IFT57: variants seen among roughly 807,000 people sequenced by gnomAD.
IFT57 encodes the protein intraflagellar transport protein 57 homolog.
In IFT57, 59 loss-of-function variants were observed where a neutral mutation model predicts 56.8. The observed-to-expected ratio is 1.04, with a 90% CI of 0.84 to 1.29. The LOEUF (loss-of-function observed/expected upper bound fraction) is 1.29, where lower values mean the gene tolerates loss of function less well. IFT57 is among the 50% of genes most tolerant of loss of function. The pLI, the probability that IFT57 is intolerant of heterozygous loss-of-function variation, is 0.00. For synonymous variants in IFT57, 209 were observed against 186.1 expected (o/e 1.12, Z -1.00); for missense variants, 470 against 522.1 (o/e 0.90, Z 0.97).
chr3:108,166,672 C>A (rs1217252352), intron 8 of IFT57, among the ~76,000 whole-genome samples, 182 bp downstream of exon 8: 3 of 152,004 alleles, frequency 2.0e-5, no homozygotes, highest in Non-Finnish European at 2.9e-5. Flanking sequence ...AAAACAACTT[C>A]TATTACATGT....
At chr3:108,218,032 C>T (rs2080382860) in intron 3 of IFT57, among the ~76,000 whole-genome samples, 1 of 151,614 alleles carries the variant, frequency 6.6e-6, no homozygotes, top group African/African-American at 2.4e-5. Flanking sequence ...AAATAAAGCA[C>T]TGTCAGGTTG....
intron 4 of IFT57, among the ~76,000 whole-genome samples, chr3:108,209,178 G>A (rs187468024): frequency 6.6e-5 from 10 of 152,262 alleles, no homozygotes; most frequent in East Asian, 5.8e-4. Flanking sequence ...GAATATATTC[G>A]TATGTATTTT....
At chr3:108,175,820 G>T (rs1360691618) in intron 6 of IFT57, among the ~76,000 whole-genome samples, 2 of 151,196 alleles carry the variant, frequency 1.3e-5, no homozygotes, top group East Asian at 3.9e-4. Context: ...AAAAAAGTTT[G>T]ACTTTGCGAG....
At chr3:108,181,371 A>C (rs774481153) in intron 6 of IFT57, among the ~76,000 whole-genome samples, 1 of 152,114 alleles carries the variant, frequency 6.6e-6, no homozygotes, top group South Asian at 2.1e-4. Flanking sequence ...TGAAACAAAC[A>C]AACAGCTGAC....
At chr3:108,176,546 T>C (rs1201000417) in intron 6 of IFT57, among the ~76,000 whole-genome samples, 1 of 151,882 alleles carries the variant, frequency 6.6e-6, no homozygotes, top group African/African-American at 2.4e-5. Flanking sequence ...AATGAATGTT[T>C]ATTATCCTGG....
rs768158633 is a variant in IFT57, at chr3:108,214,018, T to C, written c.498A>G (p.Pro166=). 6.4e-7 allele frequency: 1 copy of C among 1,570,384 alleles called. No individual in the cohort carries two copies. The change falls in exon 4 of 11, where the codon CCA becomes CCG. Residue 166 remains proline, a synonymous_variant. Transcript: ENST00000264538. ...CTTCTAATTCTTCTACTGGGTATAT[T>C]GGCCTAAAATAATAAGATTAAACAT... The part of the protein sequence containing the change: ...LKYIGFTWKR[P]IYPVEELEEE...
rs147225913 is a variant in IFT57, at chr3:108,209,477, G to A, written c.586-2781C>T. On this transcript the variant is annotated intron_variant, in intron 4 of 10. Coordinates refer to ENST00000264538, the MANE Select transcript of IFT57 (RefSeq NM_018010.4). ...TACATGGATGGTAAGTTGACAAGGGGTCGACTTTTGATGGTAAATTTTATG... is the reference window on the plus strand; with the variant it reads ...TACATGGATGGTAAGTTGACAAGGGATCGACTTTTGATGGTAAATTTTATG... Among the ~76,000 whole-genome samples the A allele has an allele frequency of 1.9e-3, 291 of 152,294 alleles. 2 individuals are homozygous for A. The highest frequency in any genetic ancestry group is 0.014 in the Admixed American group (217 of 15,306).
intron 6 of IFT57, among the ~76,000 whole-genome samples, chr3:108,172,360 GGAGA>G (rs2080098470): frequency 6.6e-6 from 1 of 151,752 alleles, no homozygotes; most frequent in South Asian, 2.1e-4. Flanking sequence ...AAATAAAGCT[GGAGA>G]GAGAGGTTCA....
At chr3:108,180,786 T>C (rs979441091) in intron 6 of IFT57, among the ~76,000 whole-genome samples, 2 of 152,016 alleles carry the variant, frequency 1.3e-5, no homozygotes, top group Admixed American at 1.3e-4. Flanking sequence ...TATAGCAAGG[T>C]CCATATGACA....
chr3:108,217,069 A>G (rs62267924), intron 3 of IFT57, among the ~76,000 whole-genome samples: 38 of 152,272 alleles, frequency 2.5e-4, no homozygotes, highest in Admixed American at 7.2e-4. Context: ...ACAATAATAT[A>G]TATTTGAAAA....
intron 6 of IFT57, among the ~76,000 whole-genome samples, chr3:108,173,820 G>A (rs1282535198): frequency 7.9e-6 from 1 of 126,766 alleles, no homozygotes. Flanking sequence ...ATATAATATA[G>A]TATATTATAT....
intron 6 of IFT57, among the ~76,000 whole-genome samples, chr3:108,183,512 T>C (rs2080163023): frequency 6.6e-6 from 1 of 152,096 alleles, no homozygotes; most frequent in African/African-American, 2.4e-5. Context: ...AACCAGCCAG[T>C]CACATATTAT....
At chr3:108,195,140 T>C (rs2108319125) in intron 5 of IFT57, among the ~76,000 whole-genome samples, 1 of 152,020 alleles carries the variant, frequency 6.6e-6, no homozygotes, top group East Asian at 1.9e-4. Context: ...ACCCAAATGA[T>C]CTAATTAAAA....
In IFT57 at chr3:108,162,546, C is replaced by T. The variant is rs1007450385; in HGVS notation, c.1221G>A (p.Lys407=). ...TGTTCCTAGTCATGTTGGACTTCTC[C>T]TTCAGCTTTGATTGGAGTAGTGTGT... is the stretch of plus-strand genomic sequence containing the variant. ...VEHTLLQSKL[K]EKSNMTRNMH... is the part of the protein sequence containing the mutation. The change falls in exon 11 of 11, where the codon AAG becomes AAA. Residue 407 remains lysine, a synonymous_variant. Transcript: ENST00000264538. The T allele has an allele frequency of 6.2e-7, 1 of 1,612,360 alleles. No individual in the cohort carries two copies. The highest frequency in any genetic ancestry group is 8.5e-7 in the Non-Finnish European group (1 of 1,178,872).
intron 6 of IFT57, among the ~76,000 whole-genome samples, chr3:108,174,460 G>C (rs951828289): frequency 2.3e-5 from 3 of 131,526 alleles, no homozygotes; most frequent in African/African-American, 8.1e-5. Context: ...TACATTAGTA[G>C]AGAATCCATT....
At chr3:108,187,998 T>C (rs2080194049) in intron 6 of IFT57, among the ~76,000 whole-genome samples, 1 of 149,584 alleles carries the variant, frequency 6.7e-6, no homozygotes, top group Non-Finnish European at 1.5e-5. Flanking sequence ...TGCAGGTTTG[T>C]TACGTATGTA....
intron 6 of IFT57, among the ~76,000 whole-genome samples, chr3:108,171,746 AT>A (rs1259814778): frequency 6.6e-6 from 1 of 151,784 alleles, no homozygotes; most frequent in Non-Finnish European, 1.5e-5. Flanking sequence ...CCAAGTTAGC[AT>A]CTTTATGAAA....
chr3:108,220,197 T>C (rs1216916146), intron 1 of IFT57, among the ~76,000 whole-genome samples: 1 of 152,242 alleles, frequency 6.6e-6, no homozygotes, highest in Admixed American at 6.5e-5. Context: ...TAAGAACCTG[T>C]GAATGTCACA....
At chr3:108,214,794 A>T (rs1178732442) in intron 3 of IFT57, among the ~76,000 whole-genome samples, 1 of 152,098 alleles carries the variant, frequency 6.6e-6, no homozygotes, top group Non-Finnish European at 1.5e-5. Flanking sequence ...GGCTTTTTGT[A>T]TATTAAGAAA....
Sources: gnomAD v4.1 joint callset for allele counts (sites outside exome capture counted in the v4.1 genomes callset) on GRCh38, gnomAD v4.1.1 for gene constraint, MANE v1.5 for transcripts, NCBI Gene and HGNC (gene_info 2026-07-23, HGNC 2026-07-21) for gene names.